ARMH1: variants seen among roughly 807,000 people sequenced by gnomAD.
The protein encoded by ARMH1 is armadillo-like helical domain containing protein 1.
Under a neutral mutation model 50.2 loss-of-function variants are expected in ARMH1, and 34 were observed. The ratio of observed to expected loss-of-function variants is 0.68; its 90% CI spans 0.51 to 0.90. ARMH1 has a LOEUF of 0.90. Ranked by LOEUF, ARMH1 falls within the 40% of genes least tolerant of loss-of-function variation. ARMH1 has a pLI of 0.00. For synonymous variants in ARMH1, 221 were observed against 224.2 expected (o/e 0.99, Z 0.13); for missense variants, 538 against 553.9 (o/e 0.97, Z 0.29).
At chr1:44,713,329 G>C (rs1573451333) in intron 6 of ARMH1, among the ~76,000 whole-genome samples, 1 of 151,890 alleles carries the variant, frequency 6.6e-6, no homozygotes, top group Non-Finnish European at 1.5e-5. Flanking sequence ...CAACTCCTGG[G>C]CTCAAGCGAT....
At chr1:44,723,056 C>T (rs1573519813) in intron 6 of ARMH1, among the ~76,000 whole-genome samples, 1 of 149,130 alleles carries the variant, frequency 6.7e-6, no homozygotes, top group African/African-American at 2.5e-5. Context: ...GCCTGGGCGA[C>T]AGAGTGAGGC....
chr1:44,706,526 G>C (rs1425239645), intron 6 of ARMH1, among the ~76,000 whole-genome samples: 1 of 152,194 alleles, frequency 6.6e-6, no homozygotes, highest in African/African-American at 2.4e-5. Context: ...GTTCACGTAC[G>C]CAAGTGAGAT....
intron 6 of ARMH1, among the ~76,000 whole-genome samples, chr1:44,719,024 G>A (rs905364681): frequency 3.8e-5 from 3 of 78,722 alleles, no homozygotes; most frequent in South Asian, 3.7e-4. Context: ...AAACTGTCTC[G>A]GAAAAAAAAA....
chr1:44,694,666 T>C (rs969690005), intron 2 of ARMH1, among the ~76,000 whole-genome samples: 20 of 151,926 alleles, frequency 1.3e-4, no homozygotes, highest in African/African-American at 3.9e-4. Flanking sequence ...TGCACCACCG[T>C]GCCCAGCTAA....
In ARMH1 at chr1:44,724,831, C is replaced by T; in HGVS notation, c.1120C>T (p.Leu374Phe). Residue 374 changes from leucine to phenylalanine, a missense_variant, in exon 10 of 12, where the codon CTC (leucine) becomes TTC (phenylalanine). Transcript: ENST00000535358. This position sits in a 1 kb window ranked among gnomAD's most constrained non-coding sequence, Gnocchi z 6.4. ...RKCMGEELYQ[L>F]FLSNAEDLYM... ...GTGCATGGGGGAGGAACTCTACCAG[C>T]TCTTCCTGGTAAGTGCGCCCTTCCT... The T allele has an allele frequency of 6.5e-7, 1 of 1,540,436 alleles. No homozygotes were observed. The highest frequency in any genetic ancestry group is 8.7e-7 in the Non-Finnish European group (1 of 1,146,206).
rs940114662 is a variant in ARMH1 at position 44,725,584 on chromosome 1, T to C, written c.*181T>C. Reference sequence around the variant, plus strand: ...GCGAAGAGTCAATAAACAGCCTTGATACCTGTCTGTTCTTTGTGTGTGTGG... The same window carrying C: ...GCGAAGAGTCAATAAACAGCCTTGACACCTGTCTGTTCTTTGTGTGTGTGG... On this transcript the variant is annotated 3_prime_UTR_variant, in exon 12 of 12. Transcript: ENST00000535358. 11 of 635,678 alleles carry C rather than the reference T, an allele frequency of 1.7e-5. No homozygotes were observed. In the Admixed American group the frequency reaches 2.2e-4, roughly 13 times the overall value. 39.4% of individuals were successfully genotyped at this position (635,678 alleles called of 1,614,324 possible). A position where few individuals can be genotyped will look rare whatever the true frequency, so the allele number is the denominator to read the frequency against.
At chr1:44,698,324 C>T in intron 4 of ARMH1, 95 bp downstream of exon 4, 2 of 1,165,836 alleles carry the variant, frequency 1.7e-6, no homozygotes, top group Non-Finnish European at 2.3e-6. Context: ...CATCATGAAA[C>T]TGGTTGAACA....
At chr1:44,715,472 C>T (rs545135639) in intron 6 of ARMH1, among the ~76,000 whole-genome samples, 1 of 152,212 alleles carries the variant, frequency 6.6e-6, no homozygotes, top group Non-Finnish European at 1.5e-5. Context: ...GCTGTGGATT[C>T]CAAAGTTCCT....
At chr1:44,723,349 A>G (rs565136903) in intron 6 of ARMH1, among the ~76,000 whole-genome samples, 1 of 152,140 alleles carries the variant, frequency 6.6e-6, no homozygotes, top group Non-Finnish European at 1.5e-5. Context: ...GCCTGGCACC[A>G]TAGGCGTTCA....
In ARMH1 at chr1:44,701,139, T is replaced by C; in HGVS notation, c.639+20T>C. 2 of 1,524,286 alleles carry C rather than the reference T, an allele frequency of 1.3e-6. No individual in the cohort carries two copies. The highest frequency in any genetic ancestry group is 1.8e-6 in the Non-Finnish European group (2 of 1,134,176). 94.4% of individuals were successfully genotyped at this position (1,524,286 alleles called of 1,614,324 possible). On this transcript the variant is annotated intron_variant, in intron 5 of 11. Transcript: ENST00000535358. ...GCCCAGGTGAGCCAAGGCTGCATGC[T>C]CCTGTGGTTCTGATTCAGATGCAAT...
At chr1:44,685,136 A>G (rs1645426375) in intron 1 of ARMH1, among the ~76,000 whole-genome samples, 1 of 152,170 alleles carries the variant, frequency 6.6e-6, no homozygotes, top group Non-Finnish European at 1.5e-5. Flanking sequence ...TAAAGAGCCC[A>G]CCAAGGGCCT....
intron 6 of ARMH1, among the ~76,000 whole-genome samples, chr1:44,723,027 A>T (rs1176144243): frequency 6.6e-6 from 1 of 150,876 alleles, no homozygotes; most frequent in African/African-American, 2.4e-5. Context: ...GTGAGCCGAG[A>T]TCGCGCCACT....
chr1:44,719,883 G>T (rs151051474), intron 6 of ARMH1, among the ~76,000 whole-genome samples: 165 of 152,270 alleles, frequency 1.1e-3, no homozygotes, highest in African/African-American at 3.8e-3. Flanking sequence ...TAAGGTCCTG[G>T]CTTCAAAGCA....
In ARMH1 at chr1:44,725,233, G is replaced by A; in HGVS notation, c.1210+16G>A. 6.4e-7 allele frequency: 1 copy of A among 1,551,868 alleles called. No homozygotes were observed. Among genetic ancestry groups the A allele is most frequent in the Non-Finnish European group, 8.7e-7 (1 of 1,147,020 alleles). ...GTTACCAAAGGTGAGTGTGGGACGA[G>A]GGAAGCCGGGCGCAGGCGCCGCCAG... On this transcript the variant is annotated intron_variant, in intron 11 of 11. Transcript: ENST00000535358.
chr1:44,712,198 C>T (rs768830905), intron 6 of ARMH1, among the ~76,000 whole-genome samples: 18 of 152,212 alleles, frequency 1.2e-4, no homozygotes, highest in Non-Finnish European at 2.6e-4. Context: ...GGGGCTCTCA[C>T]CTGTAATCCC....
intron 6 of ARMH1, among the ~76,000 whole-genome samples, chr1:44,711,725 G>A (rs1646624457): frequency 6.6e-6 from 1 of 152,168 alleles, no homozygotes; most frequent in Non-Finnish European, 1.5e-5. Context: ...AGTGACAAAT[G>A]AAACAAGTCC....
chr1:44,701,867 A>G (rs1646097034), intron 5 of ARMH1, among the ~76,000 whole-genome samples: 1 of 151,924 alleles, frequency 6.6e-6, no homozygotes, highest in African/African-American at 2.4e-5. Flanking sequence ...GGCAGAGGTT[A>G]CAGTGAGCCA....
At chr1:44,722,903 CAAA>C (rs71036693) in intron 6 of ARMH1, among the ~76,000 whole-genome samples, 2 of 85,980 alleles carry the variant, frequency 2.3e-5, no homozygotes, top group Non-Finnish European at 2.3e-5. Flanking sequence ...ACTAAAAATA[CAAA>C]AAAAAAAAAA....
intron 6 of ARMH1, among the ~76,000 whole-genome samples, chr1:44,709,672 GA>G (rs74359676): frequency 0.2 from 25,828 of 130,918 alleles, 2,399 homozygotes; most frequent in Admixed American, 0.25. Flanking sequence ...CTCCATCTCA[GA>G]AAAAAAAAAA....
Sources: gnomAD v4.1 joint callset for allele counts (sites outside exome capture counted in the v4.1 genomes callset) on GRCh38, gnomAD v4.1.1 for gene constraint, Gnocchi (gnomAD v3.1) non-coding constraint, MANE v1.5 for transcripts, NCBI Gene and HGNC (gene_info 2026-07-23, HGNC 2026-07-21) for gene names.